The following UTRN variants were observed in gnomAD, a reference collection of about 807,000 sequenced individuals.
UTRN encodes utrophin, also known as dystrophin-related protein 1.
UTRN carries 283 observed loss-of-function variants against 463.9 expected under a neutral mutation model. The ratio of observed to expected loss-of-function variants is 0.61; its 90% confidence interval spans 0.55 to 0.67. UTRN has a LOEUF of 0.67. Among genes scored for constraint, UTRN ranks in the 30% least tolerant of loss-of-function variants. The probability of loss-of-function intolerance (pLI) is 0.00; values close to 1 mark genes in which losing one functional copy is unlikely to be tolerated. For missense variants in UTRN, 3,922 were observed against 4,084.3 expected, an observed-to-expected ratio of 0.96 and a Z score of 1.08; for synonymous variants, 1,442 against 1,431.5, an observed-to-expected ratio of 1.01 and a Z score of -0.17.
At chr6:144,704,645 C>T (rs766124820) in intron 53 of UTRN, among the ~76,000 whole-genome samples, 2 of 152,030 alleles carry the variant, frequency 1.3e-5, no homozygotes, top group African/African-American at 2.4e-5. Flanking sequence ...AAGAAAAACT[C>T]GAGGGAAGAA....
chr6:144,779,278 A>G (rs1775608310), intron 60 of UTRN, among the ~76,000 whole-genome samples: 1 of 152,150 alleles, frequency 6.6e-6, no homozygotes, highest in Non-Finnish European at 1.5e-5. Flanking sequence ...GTAGTTCCCT[A>G]GCTACTGCCC....
chr6:144,297,209 A>C (rs1367565711), intron 2 of UTRN, among the ~76,000 whole-genome samples: 1 of 152,068 alleles, frequency 6.6e-6, no homozygotes, highest in Admixed American at 6.6e-5. Context: ...GTGTAGGGGA[A>C]GGAAGCAAAG....
chr6:144,456,829 T>A (rs1383906744), intron 19 of UTRN, among the ~76,000 whole-genome samples: 3 of 152,152 alleles, frequency 2.0e-5, no homozygotes, highest in Non-Finnish European at 2.9e-5. Flanking sequence ...AATGTGGCTT[T>A]ATGAATCAAT....
chr6:144,754,575 C>A (rs1791775630), intron 56 of UTRN, 145 bp from the exon 57 acceptor site: 30 of 225,122 alleles, frequency 1.3e-4, no homozygotes, highest in Non-Finnish European at 1.7e-4. Context: ...ATACCAGAGA[C>A]AGAGAAGGGG....
chr6:144,671,278 T>C (rs1780994495), intron 51 of UTRN, among the ~76,000 whole-genome samples: 1 of 152,174 alleles, frequency 6.6e-6, no homozygotes, highest in African/African-American at 2.4e-5. Context: ...GAGCATGGGA[T>C]GTGCTTCCAT....
chr6:144,575,644 T>A (rs747121870), intron 50 of UTRN, among the ~76,000 whole-genome samples: 31 of 152,116 alleles, frequency 2.0e-4, no homozygotes, highest in Non-Finnish European at 4.0e-4. Flanking sequence ...TTATCATCAA[T>A]GTCTTACTGT....
At position 144,781,884 on chromosome 6, in the gene UTRN, G is replaced by GTAATA. The variant is rs1460142661; in HGVS notation, c.8633-34_8633-33insATAAT. The GTAATA allele has an allele frequency of 2.0e-6, 3 of 1,497,086 alleles. No homozygotes were observed. The East Asian group carries it at 6.8e-5, about 34-fold the overall frequency. 92.7% of individuals were successfully genotyped at this position (1,497,086 alleles called of 1,614,324 possible). The stretch of plus-strand genomic sequence containing the variant: ...ATGTTGTTATGTAATGTAATGTAAT[G>GTAATA]TAATGACTGTAAACATTCCTTCTTC... On this transcript the variant is annotated intron_variant, in intron 60 of 74. Transcript: ENST00000367545.
At chr6:144,669,480 T>C (rs901561428) in intron 51 of UTRN, among the ~76,000 whole-genome samples, 1 of 152,178 alleles carries the variant, frequency 6.6e-6, no homozygotes, top group African/African-American at 2.4e-5. Flanking sequence ...ATATCACCAC[T>C]AATATATTAT....
intron 1 of UTRN, among the ~76,000 whole-genome samples, chr6:144,288,893 A>G (rs1803945360): frequency 6.6e-6 from 1 of 151,972 alleles, no homozygotes; most frequent in African/African-American, 2.4e-5. Flanking sequence ...CCTCCTGAGT[A>G]GCTGGGATTA....
At chr6:144,477,903 CTAT>C (rs1268209592) in intron 25 of UTRN, among the ~76,000 whole-genome samples, 3 of 151,754 alleles carry the variant, frequency 2.0e-5, no homozygotes, top group East Asian at 1.9e-4. Flanking sequence ...ATCTATCTAT[CTAT>C]CTATCCATCC....
intron 71 of UTRN, among the ~76,000 whole-genome samples, chr6:144,837,605 T>C (rs192239357): frequency 2.0e-5 from 3 of 152,324 alleles, no homozygotes; most frequent in East Asian, 1.9e-4. Flanking sequence ...TAGGAGTGCC[T>C]TTCTCCAGAA....
chr6:144,723,781 T>A (rs1010748458), intron 53 of UTRN, among the ~76,000 whole-genome samples: 1 of 151,936 alleles, frequency 6.6e-6, no homozygotes, highest in Non-Finnish European at 1.5e-5. Flanking sequence ...GTGGGTGGAT[T>A]GCCCAAGCTC....
chr6:144,505,962 G>C (rs1794658925), intron 34 of UTRN, among the ~76,000 whole-genome samples: 1 of 152,140 alleles, frequency 6.6e-6, no homozygotes. Flanking sequence ...ATATATTTAG[G>C]ATAGTTAGCT....
At chr6:144,714,184 C>G (rs1025004370) in intron 53 of UTRN, among the ~76,000 whole-genome samples, 12 of 152,142 alleles carry the variant, frequency 7.9e-5, no homozygotes, top group Middle Eastern at 3.4e-3. Context: ...TTTCTGTCTC[C>G]TTTTTCATGT....
In UTRN at chr6:144,403,001, T is replaced by C. The variant is rs1263441276; in HGVS notation, c.80-122T>C. The C allele has an allele frequency of 1.8e-5, 15 of 836,998 alleles. No individual in the cohort carries two copies. The East Asian group carries it at 2.2e-4, about 12-fold the overall frequency. The allele number at this position is 836,998 out of a possible 1,614,324, so 51.8% of individuals were successfully genotyped here. On this transcript the variant is annotated intron_variant, in intron 2 of 74. Transcript: ENST00000367545. The stretch of plus-strand genomic sequence containing the variant: ...CTGCATTAGCTCCGCCTCATTGTGC[T>C]CAAGGAGCTCGACTAATAGGACTAT...
chr6:144,659,617 C>T (rs1350013823), intron 51 of UTRN, among the ~76,000 whole-genome samples: 1 of 152,106 alleles, frequency 6.6e-6, no homozygotes, highest in African/African-American at 2.4e-5. Flanking sequence ...GAACCGGTGG[C>T]CTCTTGTCCT....
intron 58 of UTRN, among the ~76,000 whole-genome samples, chr6:144,765,293 T>C (rs776548845): frequency 1.2e-4 from 18 of 152,254 alleles, no homozygotes; most frequent in Non-Finnish European, 2.6e-4. Context: ...ACAAATGTTC[T>C]AGTAGTCATA....
At chr6:144,846,371 G>A (rs1586811051) in intron 73 of UTRN, among the ~76,000 whole-genome samples, 2 of 152,136 alleles carry the variant, frequency 1.3e-5, no homozygotes, top group East Asian at 3.9e-4. Flanking sequence ...TAGGGTCCAG[G>A]GTGTGTCAAG....
At chr6:144,383,274 C>A (rs1166810563) in intron 2 of UTRN, among the ~76,000 whole-genome samples, 1 of 152,148 alleles carries the variant, frequency 6.6e-6, no homozygotes, top group African/African-American at 2.4e-5. Context: ...GCTGGAACAT[C>A]CAACTCCAAC....
Sources: allele counts gnomAD v4.1 joint callset (sites outside exome capture counted in the v4.1 genomes callset), GRCh38; gene constraint gnomAD v4.1.1; transcripts MANE v1.5; gene names NCBI Gene and HGNC (gene_info 2026-07-23, HGNC 2026-07-21).